The following ARHGAP17 variants were observed in gnomAD, a reference collection of about 807,000 sequenced individuals.
ARHGAP17 encodes Rho GTPase activating protein 17.
ARHGAP17 carries 57 observed loss-of-function variants against 99.5 expected under a neutral mutation model. That is an observed-to-expected ratio of 0.57 (90% CI 0.46 to 0.71). The LOEUF is 0.71. Ranked by LOEUF, ARHGAP17 falls within the 30% of genes least tolerant of loss-of-function variation. The probability of loss-of-function intolerance (pLI) is 0.00; values close to 1 mark genes in which losing one functional copy is unlikely to be tolerated. For missense variants in ARHGAP17, 1,000 were observed against 1,122.4 expected (o/e 0.89, Z 1.56); for synonymous variants, 417 against 429.6 (o/e 0.97, Z 0.36).
intron 19 of ARHGAP17, chr16:24,929,537 G>A (rs2050927020): frequency 1.0e-6 from 1 of 958,178 alleles, no homozygotes; most frequent in Non-Finnish European, 1.2e-6. Context: ...AAGCACATAT[G>A]CAAAACACGG....
At chr16:25,013,885 A>C (rs2053710392) in intron 1 of ARHGAP17, 1 of 152,204 alleles carries the variant, frequency 6.6e-6, no homozygotes, top group South Asian at 2.1e-4. Context: ...TGTGCTTGTA[A>C]ACTGTTCCTT....
At chr16:25,015,084 G>T in intron 1 of ARHGAP17, 125 bp downstream of exon 1, 2 of 967,722 alleles carry the variant, frequency 2.1e-6, no homozygotes, top group Non-Finnish European at 2.6e-6. Flanking sequence ...GTGCCCCGCT[G>T]GTCTCGGGCA....
chr16:24,967,487 T>C (rs1403625860), intron 6 of ARHGAP17, among the ~76,000 whole-genome samples: 1 of 152,124 alleles, frequency 6.6e-6, no homozygotes, highest in Non-Finnish European at 1.5e-5. Flanking sequence ...GTCACATGCC[T>C]GAGAAGAAAG....
chr16:24,972,377 A>G (rs866826032), intron 3 of ARHGAP17, among the ~76,000 whole-genome samples: 1 of 152,318 alleles, frequency 6.6e-6, no homozygotes, highest in Middle Eastern at 3.4e-3. Flanking sequence ...CCTCTCCCCA[A>G]ATTATTGATT....
At position 24,935,621 on chromosome 16, in the gene ARHGAP17, G is replaced by A. The variant is rs1161178246; in HGVS notation, c.1743C>T (p.Asp581=). 6.2e-7 allele frequency: 1 copy of A among 1,613,940 alleles called. No individual in the cohort carries two copies. Among genetic ancestry groups the A allele is most frequent in the African/African-American group, 1.3e-5 (1 of 74,916 alleles). ...GTGCTGGCACAGCTGCAGATACAGG[G>A]TCCTTCGGTTTGGGAGGACTAAGAG... ...PGDGSPPKPK[D]PVSAAVPAPG... is the part of the protein sequence containing the mutation. The change falls in exon 18 of 20, where the codon GAC becomes GAT. Residue 581 remains aspartate, a synonymous_variant. Transcript: ENST00000289968.
chr16:24,983,103 C>G (rs1457041976), intron 1 of ARHGAP17, among the ~76,000 whole-genome samples: 2 of 146,666 alleles, frequency 1.4e-5, no homozygotes, highest in Non-Finnish European at 3.0e-5. Context: ...TTCTTGGGCT[C>G]TAGTGATACT....
At chr16:24,970,129 C>T (rs563795970) in intron 4 of ARHGAP17, among the ~76,000 whole-genome samples, 8 of 151,888 alleles carry the variant, frequency 5.3e-5, no homozygotes, top group South Asian at 4.2e-4. Flanking sequence ...TTTTGGTGAC[C>T]GCCTGTAAAC....
chr16:24,947,698 GCAGA>G, intron 13 of ARHGAP17, 103 bp from the exon 14 acceptor site: 2 of 886,472 alleles, frequency 2.3e-6, no homozygotes, highest in Non-Finnish European at 3.6e-6. Flanking sequence ...GGTGCTAACT[GCAGA>G]GGGTTCCTAA....
intron 1 of ARHGAP17, among the ~76,000 whole-genome samples, chr16:24,992,141 G>A (rs977450491): frequency 1.3e-5 from 2 of 152,174 alleles, no homozygotes; most frequent in East Asian, 1.9e-4. Flanking sequence ...CATGGAACTC[G>A]GGGGCAACAG....
intron 4 of ARHGAP17, among the ~76,000 whole-genome samples, chr16:24,969,826 A>C (rs1360996460): frequency 1.3e-5 from 2 of 152,118 alleles, no homozygotes; most frequent in African/African-American, 4.8e-5. Context: ...ATGGGAGGAA[A>C]CTGTTCTAGG....
intron 17 of ARHGAP17, among the ~76,000 whole-genome samples, chr16:24,936,997 T>C (rs764406518): frequency 6.6e-6 from 1 of 150,726 alleles, no homozygotes; most frequent in African/African-American, 2.5e-5. Flanking sequence ...TGCACTACTA[T>C]AGTCCCAGTT....
At chr16:25,010,857 G>A (rs1454023555) in intron 1 of ARHGAP17, among the ~76,000 whole-genome samples, 7 of 152,314 alleles carry the variant, frequency 4.6e-5, no homozygotes, top group East Asian at 1.9e-4. Context: ...TACTGGCCTC[G>A]CCCTCTAGGC....
At position 24,977,215 on chromosome 16, in the gene ARHGAP17, G is replaced by T. The variant is rs766643559; in HGVS notation, c.198C>A (p.His66Gln). 1 of 1,576,690 alleles carries T rather than the reference G, an allele frequency of 6.3e-7. No individual in the cohort carries two copies. The highest frequency in any genetic ancestry group is 1.2e-5 in the South Asian group (1 of 85,750). ...GGTCTGAGTCACATCTGATACTCAC[G>T]TGTCTCCTCTCGGCATCGGTGCCAT... Reference protein sequence around the residue: ...GQHGTDAERRHKKLPLTALAQ... With the variant: ...GQHGTDAERRQKKLPLTALAQ... Residue 66 changes from histidine (H) to glutamine (Q), a missense_variant and splice_region_variant, in exon 3 of 20, where the codon CAC (histidine) becomes CAA (glutamine). By Grantham distance (24) the His-to-Gln change is conservative. Coordinates refer to ENST00000289968, the MANE Select transcript of ARHGAP17 (RefSeq NM_001006634.3).
chr16:24,993,018 T>C (rs2053094226), intron 1 of ARHGAP17, among the ~76,000 whole-genome samples: 1 of 152,146 alleles, frequency 6.6e-6, no homozygotes, highest in African/African-American at 2.4e-5. Context: ...CCACACTGGT[T>C]TCAAACTCCT....
At chr16:24,993,029 C>T (rs1203116156) in intron 1 of ARHGAP17, among the ~76,000 whole-genome samples, 5 of 152,094 alleles carry the variant, frequency 3.3e-5, no homozygotes, top group African/African-American at 7.2e-5. Flanking sequence ...TCAAACTCCT[C>T]GCCGCAAGTG....
At position 24,964,306 on chromosome 16, in the gene ARHGAP17, C is replaced by T. The variant is rs767831512; in HGVS notation, c.464G>A (p.Trp155Ter). 6.2e-7 allele frequency: 1 copy of T among 1,608,804 alleles called. No individual in the cohort carries two copies. Among genetic ancestry groups the T allele is most frequent in the African/African-American group, 1.3e-5 (1 of 74,714 alleles). Reference sequence around the variant, plus strand: ...TCCTGAGGATTTGTGAGCTTGGTTCCACCTGCAAAACAAAGGGGTCACCAG... The same window carrying T: ...TCCTGAGGATTTGTGAGCTTGGTTCTACCTGCAAAACAAAGGGGTCACCAG... ...VLDWDSVRAR[W>*]NQAHKSSGTN... is the part of the protein sequence containing the mutation. Residue 155 changes from tryptophan (W) to a stop codon, truncating the protein, a stop_gained and splice_region_variant, in exon 7 of 20, where the codon TGG becomes TAG. Transcript: ENST00000289968. LOFTEE classifies it high-confidence loss of function.
At chr16:24,951,316 T>C (rs963000849) in intron 12 of ARHGAP17, among the ~76,000 whole-genome samples, 3 of 152,242 alleles carry the variant, frequency 2.0e-5, no homozygotes, top group African/African-American at 7.2e-5. Context: ...CAGTTTCCTC[T>C]CTGTAAAATG....
chr16:25,008,150 C>T (rs953528656), intron 1 of ARHGAP17, among the ~76,000 whole-genome samples: 3 of 152,254 alleles, frequency 2.0e-5, no homozygotes, highest in Admixed American at 2.0e-4. Flanking sequence ...AAGACAAGTC[C>T]ACAATCCCTA....
At chr16:24,935,336 T>G in intron 18 of ARHGAP17, 134 bp downstream of exon 18, 1 of 1,120,980 alleles carries the variant, frequency 8.9e-7, no homozygotes, top group East Asian at 2.6e-5. Flanking sequence ...CTTGAATGAC[T>G]GAATTTTCTG....
Sources: gnomAD v4.1 joint callset for allele counts (sites outside exome capture counted in the v4.1 genomes callset) on GRCh38, gnomAD v4.1.1 for gene constraint, MANE v1.5 for transcripts, NCBI Gene and HGNC (gene_info 2026-07-23, HGNC 2026-07-21) for gene names.